Variants in ZBTB20 observed in about 807,000 individuals in gnomAD.
ZBTB20 encodes the protein zinc finger and BTB domain-containing protein 20.
ZBTB20 carries 9 observed loss-of-function variants against 56.9 expected under a neutral mutation model. The ratio of observed to expected loss-of-function variants is 0.16; its 90% confidence interval spans 0.10 to 0.28. ZBTB20 has a LOEUF of 0.28. ZBTB20 is among the 10% of genes least tolerant of loss of function. The pLI is 1.00. For missense variants in ZBTB20, 655 were observed against 1,003.0 expected (o/e 0.65, Z 4.69); for synonymous variants, 417 against 420.7 (o/e 0.99, Z 0.11).
At chr3:114,620,062 G>A (rs1271255919) in intron 6 of ZBTB20, among the ~76,000 whole-genome samples, 2 of 152,210 alleles carry the variant, frequency 1.3e-5, no homozygotes, top group African/African-American at 2.4e-5. Flanking sequence ...AGCTGACCAA[G>A]CTGGATATTC....
intron 11 of ZBTB20, among the ~76,000 whole-genome samples, chr3:114,345,471 T>C (rs972381396): frequency 6.6e-6 from 1 of 152,228 alleles, no homozygotes; most frequent in Non-Finnish European, 1.5e-5. Context: ...GTGATATAAT[T>C]TATCCACTAC....
chr3:115,109,859 A>G (rs2083824124), intron 1 of ZBTB20, among the ~76,000 whole-genome samples: 1 of 152,216 alleles, frequency 6.6e-6, no homozygotes, highest in African/African-American at 2.4e-5. Context: ...AGTATATTAA[A>G]AAATAGCTTT....
intron 4 of ZBTB20, among the ~76,000 whole-genome samples, chr3:114,826,142 A>C (rs1301413504): frequency 6.6e-6 from 1 of 151,802 alleles, no homozygotes; most frequent in Non-Finnish European, 1.5e-5. Flanking sequence ...GAAAGGTTGT[A>C]TACTAAGGTC....
chr3:115,126,708 T>A (rs1474113676), intron 1 of ZBTB20, among the ~76,000 whole-genome samples: 1 of 152,118 alleles, frequency 6.6e-6, no homozygotes, highest in Non-Finnish European at 1.5e-5. Flanking sequence ...AGTTTATAAG[T>A]GGTAAAGCTG....
intron 3 of ZBTB20, among the ~76,000 whole-genome samples, chr3:114,908,137 A>G (rs1273223510): frequency 1.3e-5 from 2 of 151,996 alleles, no homozygotes; most frequent in Non-Finnish European, 2.9e-5. Flanking sequence ...AAATGTTTCT[A>G]TTAAAATATA....
intron 1 of ZBTB20, among the ~76,000 whole-genome samples, chr3:115,073,969 C>T (rs1215897241): frequency 6.6e-6 from 1 of 151,904 alleles, no homozygotes; most frequent in Non-Finnish European, 1.5e-5. Context: ...ACAATTGGTC[C>T]ATAATTAGTG....
rs529582183 is a variant in ZBTB20, at chr3:114,997,488, C to T, written c.-506-23072G>A. Among the ~76,000 whole-genome samples, 12 of 151,128 alleles carry T rather than the reference C, an allele frequency of 7.9e-5. No individual in the cohort carries two copies. In the South Asian group the frequency reaches 2.3e-3, roughly 29 times the overall value. ...AAAGTCAAAAAGCAAACAATAAAAA[C>T]AATGGTTTCCAAAGAAATAAAGTAA... is the stretch of plus-strand genomic sequence containing the variant. On this transcript the variant is annotated intron_variant, in intron 2 of 11. Coordinates refer to ENST00000675478, the MANE Select transcript of ZBTB20 (RefSeq NM_001348800.3).
intron 4 of ZBTB20, among the ~76,000 whole-genome samples, chr3:114,831,087 C>CTTTTTTTTTTT (rs57265260): frequency 3.6e-5 from 2 of 55,550 alleles, no homozygotes; most frequent in African/African-American, 4.9e-5. Flanking sequence ...TTTCTTTCTT[C>CTTTTTTTTTTT]TTTTTTTTTT....
intron 6 of ZBTB20, among the ~76,000 whole-genome samples, chr3:114,571,667 A>C (rs2107348167): frequency 6.6e-6 from 1 of 152,230 alleles, no homozygotes; most frequent in South Asian, 2.1e-4. Context: ...GCTGAGATGG[A>C]GTCATGATGG....
At chr3:114,841,616 T>C (rs2074386741) in intron 4 of ZBTB20, among the ~76,000 whole-genome samples, 1 of 152,208 alleles carries the variant, frequency 6.6e-6, no homozygotes, top group Admixed American at 6.5e-5. Flanking sequence ...ATTGACTGCA[T>C]GTGGAACAGT....
chr3:114,343,115 A>C (rs2079913683), intron 11 of ZBTB20, among the ~76,000 whole-genome samples: 1 of 151,544 alleles, frequency 6.6e-6, no homozygotes, highest in Non-Finnish European at 1.5e-5. Context: ...ACCAGCTCTG[A>C]CACTTAACTC....
chr3:114,820,896 C>G (rs534562672), intron 4 of ZBTB20, among the ~76,000 whole-genome samples: 8 of 152,014 alleles, frequency 5.3e-5, no homozygotes, highest in Non-Finnish European at 2.9e-5. Context: ...TAAAATTTAC[C>G]TACATTGCTA....
chr3:114,407,028 G>A (rs568525418), intron 7 of ZBTB20, among the ~76,000 whole-genome samples: 1 of 152,160 alleles, frequency 6.6e-6, no homozygotes, highest in South Asian at 2.1e-4. Flanking sequence ...TCTTACTTGT[G>A]GTGAGAACTG....
At chr3:114,559,655 C>A (rs528159718) in intron 6 of ZBTB20, among the ~76,000 whole-genome samples, 2 of 152,256 alleles carry the variant, frequency 1.3e-5, no homozygotes, top group African/African-American at 2.4e-5. Flanking sequence ...TTATTCTTAA[C>A]CTCCCTAGGT....
intron 7 of ZBTB20, among the ~76,000 whole-genome samples, chr3:114,493,995 T>C (rs1302516274): frequency 1.3e-5 from 2 of 152,204 alleles, no homozygotes; most frequent in Non-Finnish European, 2.9e-5. Context: ...ATCTCTACCA[T>C]TTATTAGATG....
At chr3:114,883,602 A>G (rs1006541895) in intron 4 of ZBTB20, among the ~76,000 whole-genome samples, 4 of 152,216 alleles carry the variant, frequency 2.6e-5, no homozygotes, top group Non-Finnish European at 4.4e-5. Context: ...CATGCTCACA[A>G]GTTAAAATAG....
intron 6 of ZBTB20, among the ~76,000 whole-genome samples, chr3:114,545,672 G>T (rs1468686958): frequency 6.6e-6 from 1 of 152,110 alleles, no homozygotes; most frequent in Admixed American, 6.6e-5. Context: ...TCTTCATCAG[G>T]CTGGAGGAGG....
At chr3:114,671,523 T>TA (rs2061358857) in intron 6 of ZBTB20, among the ~76,000 whole-genome samples, 1 of 152,032 alleles carries the variant, frequency 6.6e-6, no homozygotes, top group Non-Finnish European at 1.5e-5. Flanking sequence ...AAGGATATCA[T>TA]ATCAATTATA....
intron 10 of ZBTB20, chr3:114,356,182 G>A (rs1201362808): frequency 6.6e-6 from 1 of 152,148 alleles, no homozygotes; most frequent in Non-Finnish European, 1.5e-5. Flanking sequence ...TAAAGCAGGG[G>A]TGAGTACCGA....
Sources: allele counts gnomAD v4.1 joint callset (sites outside exome capture counted in the v4.1 genomes callset), GRCh38; gene constraint gnomAD v4.1.1; transcripts MANE v1.5; gene names NCBI Gene and HGNC (gene_info 2026-07-23, HGNC 2026-07-21).